Variants in BCAS3 observed in about 807,000 individuals in gnomAD.
BCAS3 encodes BCAS4/BCAS3 fusion.
Under a neutral mutation model 116.1 loss-of-function variants are expected in BCAS3, and 53 were observed. The ratio of observed to expected loss-of-function variants is 0.46; its 90% CI spans 0.37 to 0.57. The LOEUF (loss-of-function observed/expected upper bound fraction) is 0.57, where lower values mean the gene tolerates loss of function less well. BCAS3 is among the 20% of genes least tolerant of loss of function. The pLI is 0.00. For missense variants in BCAS3, 917 were observed against 1,165.4 expected (o/e 0.79, Z 3.10); for synonymous variants, 391 against 408.2 (o/e 0.96, Z 0.51).
At chr17:61,043,469 T>A (rs1040435881) in intron 19 of BCAS3, among the ~76,000 whole-genome samples, 7 of 152,066 alleles carry the variant, frequency 4.6e-5, no homozygotes, top group African/African-American at 1.7e-4. Context: ...TTGTTTAACA[T>A]CAATTCTTTA....
chr17:61,080,090 A>G (rs1039080064), intron 21 of BCAS3, among the ~76,000 whole-genome samples: 5 of 150,810 alleles, frequency 3.3e-5, no homozygotes, highest in African/African-American at 1.2e-4. Context: ...TTTTTAGTAG[A>G]GATGGAGTTT....
chr17:60,851,533 G>A lies in BCAS3; in HGVS notation c.477-17043G>A, dbSNP rs1039614366. ...AAGCATTGAAACCACCATCTGTAAA[G>A]CTCTACATGTTCTTCACGGGGTGAA... On this transcript the variant is annotated intron_variant, in intron 7 of 23. Coordinates refer to ENST00000407086, the MANE Select transcript of BCAS3 (RefSeq NM_017679.5). 4 of 608,928 alleles carry A rather than the reference G, an allele frequency of 6.6e-6. No individual in the cohort carries two copies. The African/African-American group carries it at 7.5e-5, about 11-fold the overall frequency. The allele number at this position is 608,928 out of a possible 1,614,324, so 37.7% of individuals were successfully genotyped here.
At position 61,367,792 on chromosome 17, in the gene BCAS3, A is replaced by T. The variant is rs1357940496; in HGVS notation, c.2426-535A>T. 6.6e-6 allele frequency: 1 copy of T among 152,142 alleles called. No individual in the cohort carries two copies. Among genetic ancestry groups the T allele is most frequent in the Non-Finnish European group, 1.5e-5 (1 of 68,022 alleles). 9.4% of individuals were successfully genotyped at this position (152,142 alleles called of 1,614,324 possible). A position where few individuals can be genotyped will look rare whatever the true frequency, so the allele number is the denominator to read the frequency against. On this transcript the variant is annotated intron_variant, in intron 22 of 23. Transcript: ENST00000407086. The surrounding 1 kb of genome is among the most constrained non-coding windows in gnomAD (Gnocchi z 6.2). Reference sequence around the variant, plus strand: ...ATTAGGCTATATAACCCCTTCTTTAAATGAAAATTTATTTATTTATTTATT... The same window carrying T: ...ATTAGGCTATATAACCCCTTCTTTATATGAAAATTTATTTATTTATTTATT...
rs2063631404 is a variant in BCAS3, at chr17:60,993,082, A to G, written c.1486+2847A>G. ...TGTTCTTATTCTTGCTTCTTTATAC[A>G]GCAAACCACATAAGAGGTTTTTGTG... On this transcript the variant is annotated intron_variant, in intron 15 of 23. Coordinates refer to ENST00000407086, the MANE Select transcript of BCAS3 (RefSeq NM_017679.5). The surrounding 1 kb of genome is among the most constrained non-coding windows in gnomAD (Gnocchi z 4.2). Among the ~76,000 whole-genome samples the G allele has an allele frequency of 6.6e-6, 1 of 152,174 alleles. No homozygotes were observed. Among genetic ancestry groups the G allele is most frequent in the African/African-American group, 2.4e-5 (1 of 41,436 alleles).
At chr17:61,109,490 T>C (rs1305558864) in intron 22 of BCAS3, among the ~76,000 whole-genome samples, 1 of 152,216 alleles carries the variant, frequency 6.6e-6, no homozygotes, top group Admixed American at 6.5e-5. Context: ...GAACAAATGG[T>C]AGATGTACTT....
rs1369358298 is a variant in BCAS3 at position 61,228,849 on chromosome 17, C to T, written c.2426-139478C>T. Among the ~76,000 whole-genome samples the T allele has an allele frequency of 2.0e-5, 3 of 152,218 alleles. No individual in the cohort carries two copies. Among genetic ancestry groups the T allele is most frequent in the Admixed American group, 6.5e-5 (1 of 15,280 alleles). On this transcript the variant is annotated intron_variant, in intron 22 of 23. Transcript: ENST00000407086. The surrounding 1 kb of genome is among the most constrained non-coding windows in gnomAD (Gnocchi z 5.0). ...AGTGTTCAAGTGTAAAAAAGAGGTT[C>T]GCCTCTCACTTTAAATCAAAAGCTA...
chr17:60,686,645 C>T (rs964810420), intron 3 of BCAS3, among the ~76,000 whole-genome samples: 4 of 152,066 alleles, frequency 2.6e-5, no homozygotes, highest in African/African-American at 9.7e-5. Context: ...CCTGCCTCAG[C>T]CTCCTGAGTA....
chr17:60,984,476 CT>C (rs1049810683), intron 14 of BCAS3, among the ~76,000 whole-genome samples: 8 of 151,684 alleles, frequency 5.3e-5, no homozygotes, highest in South Asian at 2.1e-4. Context: ...ATATATACAG[CT>C]TTTTTTTAAT....
chr17:61,202,127 G>A (rs1438443420), intron 22 of BCAS3, among the ~76,000 whole-genome samples: 1 of 118,614 alleles, frequency 8.4e-6, no homozygotes, highest in Non-Finnish European at 1.8e-5. Flanking sequence ...TTTCAGAAAG[G>A]TGGTGATTTT....
chr17:60,859,714 G>A (rs562978622), intron 7 of BCAS3, among the ~76,000 whole-genome samples: 1 of 151,950 alleles, frequency 6.6e-6, no homozygotes, highest in South Asian at 2.1e-4. Context: ...GATTACAGGT[G>A]TGCACGACCA....
intron 7 of BCAS3, among the ~76,000 whole-genome samples, chr17:60,859,144 T>A (rs1315452254): frequency 1.3e-5 from 2 of 152,158 alleles, no homozygotes; most frequent in African/African-American, 2.4e-5. Context: ...AACATATGAC[T>A]TAATATGTAC....
At chr17:61,117,118 G>C (rs2075517852) in intron 22 of BCAS3, among the ~76,000 whole-genome samples, 1 of 152,146 alleles carries the variant, frequency 6.6e-6, no homozygotes, top group African/African-American at 2.4e-5. Context: ...CGGGCTTAAA[G>C]GGATAGAAAT....
At chr17:61,168,953 C>T (rs141968386) in intron 22 of BCAS3, among the ~76,000 whole-genome samples, 1 of 152,140 alleles carries the variant, frequency 6.6e-6, no homozygotes, top group Admixed American at 6.5e-5. Context: ...TCTCACCTCT[C>T]AAGGTATAAG....
chr17:61,362,990 G>T lies in BCAS3; in HGVS notation c.2426-5337G>T, dbSNP rs9905610. On this transcript the variant is annotated intron_variant, in intron 22 of 23. Transcript: ENST00000407086. The surrounding 1 kb of genome is among the most constrained non-coding windows in gnomAD (Gnocchi z 4.4). ...GCAAACTGACTGTCAAATTTCATAA[G>T]TAGTCAATAAACGAACCTGTTTTGA... Among the ~76,000 whole-genome samples the T allele has an allele frequency of 0.64, 97,336 of 152,072 alleles. 32,038 individuals are homozygous for T. The highest frequency in any genetic ancestry group is 0.73 in the Non-Finnish European group (49,306 of 67,984).
chr17:60,762,414 A>G (rs1446571527), intron 6 of BCAS3, among the ~76,000 whole-genome samples: 7 of 152,216 alleles, frequency 4.6e-5, no homozygotes, highest in Non-Finnish European at 4.4e-5. Flanking sequence ...AGCTTTCTAC[A>G]TATGGCTAGC....
At chr17:61,036,982 C>G (rs952720083) in intron 17 of BCAS3, among the ~76,000 whole-genome samples, 1 of 152,126 alleles carries the variant, frequency 6.6e-6, no homozygotes. Context: ...CCATATATAC[C>G]TTCTGTCTCC....
intron 14 of BCAS3, among the ~76,000 whole-genome samples, chr17:60,966,791 T>C (rs1281102877): frequency 6.6e-6 from 1 of 151,874 alleles, no homozygotes; most frequent in Non-Finnish European, 1.5e-5. Flanking sequence ...TAGCTGGGAT[T>C]ACAGACATGT....
chr17:60,907,771 G>T (rs2058263194), intron 11 of BCAS3, among the ~76,000 whole-genome samples: 1 of 151,930 alleles, frequency 6.6e-6, no homozygotes, highest in Non-Finnish European at 1.5e-5. Flanking sequence ...CCTAATTTTT[G>T]CTGAGGCTTT....
intron 10 of BCAS3, among the ~76,000 whole-genome samples, chr17:60,895,403 G>T (rs772050077): frequency 1.3e-5 from 2 of 151,934 alleles, no homozygotes; most frequent in Non-Finnish European, 2.9e-5. Flanking sequence ...CAGTTGTAAT[G>T]TTCTCTTTTT....
Sources: allele counts gnomAD v4.1 joint callset (sites outside exome capture counted in the v4.1 genomes callset), GRCh38; gene constraint gnomAD v4.1.1; non-coding constraint Gnocchi (gnomAD v3.1); transcripts MANE v1.5; gene names NCBI Gene and HGNC (gene_info 2026-07-23, HGNC 2026-07-21).